CELF1: variants seen among roughly 807,000 people sequenced by gnomAD.
CELF1 encodes the protein CUGBP Elav-like family member 1.
CELF1 carries 10 observed loss-of-function variants against 61.8 expected under a neutral mutation model. The observed-to-expected ratio is 0.16, with a 90% CI of 0.10 to 0.27. The LOEUF (loss-of-function observed/expected upper bound fraction) is 0.27, where lower values mean the gene tolerates loss of function less well. Among genes scored for constraint, CELF1 ranks in the 10% least tolerant of loss-of-function variants. The probability of loss-of-function intolerance (pLI) is 1.00; values close to 1 mark genes in which losing one functional copy is unlikely to be tolerated. For missense variants in CELF1, 380 were observed against 639.1 expected, an observed-to-expected ratio of 0.59 and a Z score of 4.37; for synonymous variants, 236 against 225.1, an observed-to-expected ratio of 1.05 and a Z score of -0.43.
intron 1 of CELF1, among the ~76,000 whole-genome samples, chr11:47,542,672 AT>A (rs1427113246): frequency 1.3e-5 from 2 of 151,828 alleles, no homozygotes; most frequent in Non-Finnish European, 2.9e-5. Flanking sequence ...TAAGTCTTGT[AT>A]TTTCAGTAGA....
At chr11:47,500,371 T>G (rs1346550203) in intron 2 of CELF1, among the ~76,000 whole-genome samples, 3 of 152,202 alleles carry the variant, frequency 2.0e-5, no homozygotes, top group Non-Finnish European at 4.4e-5. Context: ...CAGGGAAATT[T>G]TCTTTACTAA....
upstream of CELF1, among the ~76,000 whole-genome samples, chr11:47,553,392 C>T (rs147812833): frequency 3.0e-4 from 46 of 152,312 alleles, no homozygotes; most frequent in Non-Finnish European, 5.9e-4. Context: ...TCTTTGTCTC[C>T]GATCCCTACT....
chr11:47,490,425 G>GTTTT (rs373523637), intron 3 of CELF1, among the ~76,000 whole-genome samples: 1 of 130,050 alleles, frequency 7.7e-6, no homozygotes, highest in Non-Finnish European at 1.6e-5. Flanking sequence ...CAACATGCTA[G>GTTTT]TTTTTTTTTT....
intron 1 of CELF1, among the ~76,000 whole-genome samples, chr11:47,517,773 C>T (rs1171517354): frequency 1.3e-5 from 2 of 152,100 alleles, no homozygotes; most frequent in East Asian, 3.8e-4. Context: ...CTGCCTCAGC[C>T]TCCCGAGCAG....
At chr11:47,505,756 GT>G (rs2094438226) in intron 1 of CELF1, among the ~76,000 whole-genome samples, 1 of 149,360 alleles carries the variant, frequency 6.7e-6, no homozygotes, top group Non-Finnish European at 1.5e-5. Flanking sequence ...TTCGAGACCT[GT>G]CTCTACTAAA....
chr11:47,468,270 AAAAG>A lies in CELF1; in HGVS notation c.*3956_*3959del, dbSNP rs1478112175. 1 of 152,306 alleles carries A rather than the reference AAAAG, an allele frequency of 6.6e-6. No individual in the cohort carries two copies. Among genetic ancestry groups the A allele is most frequent in the Non-Finnish European group, 1.5e-5 (1 of 68,130 alleles). 9.4% of individuals were successfully genotyped at this position (152,306 alleles called of 1,614,324 possible). A position where few individuals can be genotyped will look rare whatever the true frequency, so the allele number is the denominator to read the frequency against. On this transcript the variant is annotated 3_prime_UTR_variant, in exon 15 of 15. Transcript: ENST00000687097. Reference sequence around the variant, plus strand: ...GGGCCCAAAGTGCAGCCTGCGGTCAAAAAGGAAAGGGGGTTCAGGTGCTCTCCGC... The same window carrying A: ...GGGCCCAAAGTGCAGCCTGCGGTCAAGAAAGGGGGTTCAGGTGCTCTCCGC...
In CELF1 at chr11:47,508,297, T is replaced by A. The variant is rs77145435; in HGVS notation, c.-153-7365A>T. The stretch of plus-strand genomic sequence containing the variant: ...GGGAACCACATTTCCCTCCAAATTT[T>A]ATGTGGAACACAGTTTGAAAAACAG... On this transcript the variant is annotated intron_variant, in intron 1 of 14. Coordinates refer to ENST00000687097, the MANE Select transcript of CELF1 (RefSeq NM_001376376.1). Among the ~76,000 whole-genome samples, 649 of 152,202 alleles carry A rather than the reference T, an allele frequency of 4.3e-3. 28 individuals are homozygous for A. In the East Asian group the frequency reaches 0.1, roughly 24 times the overall value.
intron 1 of CELF1, among the ~76,000 whole-genome samples, chr11:47,541,226 A>T (rs2096765396): frequency 6.6e-6 from 1 of 152,250 alleles, no homozygotes; most frequent in Admixed American, 6.5e-5. Context: ...ATCTACTCAC[A>T]GTAGACTATT....
chr11:47,552,255 G>A (rs907739988), intron 1 of CELF1, among the ~76,000 whole-genome samples: 1 of 152,174 alleles, frequency 6.6e-6, no homozygotes, highest in Non-Finnish European at 1.5e-5. Flanking sequence ...CCAATGAGAA[G>A]CTCCTTGGTG....
intron 1 of CELF1, among the ~76,000 whole-genome samples, chr11:47,503,403 C>T (rs2094162465): frequency 1.3e-5 from 2 of 152,110 alleles, no homozygotes; most frequent in African/African-American, 4.8e-5. Flanking sequence ...ACAGATTTTA[C>T]ACTTCCACCC....
At chr11:47,518,160 T>C (rs911084103) in intron 1 of CELF1, among the ~76,000 whole-genome samples, 7 of 152,252 alleles carry the variant, frequency 4.6e-5, no homozygotes, top group Non-Finnish European at 8.8e-5. Context: ...TTTTCCTGCT[T>C]TGCCTGAAAC....
intron 1 of CELF1, among the ~76,000 whole-genome samples, chr11:47,532,616 CAACAG>C (rs1292445421): frequency 1.3e-5 from 2 of 152,128 alleles, no homozygotes; most frequent in Non-Finnish European, 2.9e-5. Context: ...TGGGTAGAAA[CAACAG>C]AACAGTGCTG....
At chr11:47,559,992 ACT>A (rs2097220525) in intron 2 of CELF1, among the ~76,000 whole-genome samples, 1 of 143,044 alleles carries the variant, frequency 7.0e-6, no homozygotes, top group Non-Finnish European at 1.5e-5. Context: ...ACAGAGCAAG[ACT>A]CTATCTCAAA....
chr11:47,475,612 C>T, intron 12 of CELF1, 91 bp from the exon 13 acceptor site: 2 of 1,237,924 alleles, frequency 1.6e-6, no homozygotes, highest in African/African-American at 1.5e-5. Context: ...AGAGGGAAAA[C>T]TCCAAAGTTC....
chr11:47,525,728 G>A (rs1015213106), intron 1 of CELF1, among the ~76,000 whole-genome samples: 7 of 152,258 alleles, frequency 4.6e-5, no homozygotes, highest in Admixed American at 2.6e-4. Flanking sequence ...AATAAAGGCA[G>A]ACAGTACATG....
At chr11:47,495,041 G>A (rs2092800749) in intron 3 of CELF1, among the ~76,000 whole-genome samples, 1 of 152,144 alleles carries the variant, frequency 6.6e-6, no homozygotes, top group Non-Finnish European at 1.5e-5. Flanking sequence ...ACGAGCCACT[G>A]CCCCCAGCTG....
rs547280430 is a variant in CELF1 at position 47,548,104 on chromosome 11, G to A, written c.-154+4888C>T. On this transcript the variant is annotated intron_variant, in intron 1 of 14. Coordinates refer to ENST00000687097, the MANE Select transcript of CELF1 (RefSeq NM_001376376.1). Reference sequence around the variant, plus strand: ...TCACGAGGTCTGGAGTTCAAGACCAGCCTGGCCAAGATGGTGAAACCCCGT... The same window carrying A: ...TCACGAGGTCTGGAGTTCAAGACCAACCTGGCCAAGATGGTGAAACCCCGT... 1.3e-3 allele frequency among the ~76,000 whole-genome samples: 201 copies of A among 152,144 alleles called. 1 individual carries two copies. Among genetic ancestry groups the A allele is most frequent in the African/African-American group, 4.7e-3 (197 of 41,502 alleles).
intron 1 of CELF1, among the ~76,000 whole-genome samples, chr11:47,511,894 G>A (rs1305346826): frequency 1.3e-5 from 2 of 152,124 alleles, no homozygotes; most frequent in Admixed American, 6.6e-5. Flanking sequence ...TCTTTTCCAG[G>A]CTGAAGTGAA....
intron 13 of CELF1, among the ~76,000 whole-genome samples, chr11:47,475,075 G>C (rs2079399902): frequency 6.6e-6 from 1 of 152,202 alleles, no homozygotes; most frequent in Admixed American, 6.5e-5. Context: ...GACCCGATAA[G>C]GTCAGTGTCT....
Sources: gnomAD v4.1 joint callset for allele counts (sites outside exome capture counted in the v4.1 genomes callset) on GRCh38, gnomAD v4.1.1 for gene constraint, MANE v1.5 for transcripts, NCBI Gene and HGNC (gene_info 2026-07-23, HGNC 2026-07-21) for gene names.